Variants in CNTN5 observed in about 807,000 individuals in gnomAD.
The protein encoded by CNTN5 is contactin-5.
A neutral mutation model predicts 129.1 loss-of-function variants in CNTN5; 77 were observed. That is an observed-to-expected ratio of 0.60 (90% CI 0.50 to 0.72). CNTN5 has a LOEUF of 0.72. CNTN5 is among the 30% of genes least tolerant of loss of function. The probability of loss-of-function intolerance (pLI) is 0.00; values close to 1 mark genes in which losing one functional copy is unlikely to be tolerated. For synonymous variants in CNTN5, 509 were observed against 465.6 expected (o/e 1.09, Z -1.20); for missense variants, 1,478 against 1,328.8 (o/e 1.11, Z -1.75).
chr11:99,943,477 A>G (rs540025358), intron 7 of CNTN5, among the ~76,000 whole-genome samples: 4 of 151,866 alleles, frequency 2.6e-5, no homozygotes, highest in East Asian at 1.9e-4. Context: ...CTCCCGTTCT[A>G]TATGTTGCTT....
chr11:99,849,015 G>C (rs1191696788), intron 6 of CNTN5, among the ~76,000 whole-genome samples: 2 of 152,004 alleles, frequency 1.3e-5, no homozygotes, highest in Non-Finnish European at 2.9e-5. Context: ...GCTTGAAATT[G>C]TGTGATTCTA....
In CNTN5 at chr11:99,844,987, C is replaced by T; in HGVS notation, c.401+12C>T. On this transcript the variant is annotated intron_variant, in intron 5 of 24. Coordinates refer to ENST00000524871, the MANE Select transcript of CNTN5 (RefSeq NM_014361.4). ...GTTCCCAGTTACAGGTAGGAATTCACTGTTAATCATTTTTCTTAAGCCTTA... is the reference window on the plus strand; with the variant it reads ...GTTCCCAGTTACAGGTAGGAATTCATTGTTAATCATTTTTCTTAAGCCTTA... The T allele has an allele frequency of 6.2e-7, 1 of 1,612,562 alleles. No individual in the cohort carries two copies. Among genetic ancestry groups the T allele is most frequent in the Non-Finnish European group, 8.5e-7 (1 of 1,179,196 alleles).
chr11:99,924,330 T>C (rs534655811), intron 7 of CNTN5, among the ~76,000 whole-genome samples: 82 of 152,148 alleles, frequency 5.4e-4, no homozygotes, highest in Non-Finnish European at 1.0e-3. Flanking sequence ...GGCCAATGTC[T>C]AGAGAGTGTT....
intron 3 of CNTN5, among the ~76,000 whole-genome samples, chr11:99,742,247 T>A (rs905318502): frequency 6.6e-6 from 1 of 152,166 alleles, no homozygotes; most frequent in Non-Finnish European, 1.5e-5. Flanking sequence ...TCACTGATTC[T>A]GTGTTCTCTC....
intron 6 of CNTN5, among the ~76,000 whole-genome samples, chr11:99,905,813 C>T (rs753567055): frequency 6.6e-5 from 10 of 152,112 alleles, no homozygotes; most frequent in Non-Finnish European, 5.9e-5. Flanking sequence ...TCTGTTATTT[C>T]CTTGAGCAGT....
chr11:99,255,119 G>T (rs139241216), intron 1 of CNTN5, among the ~76,000 whole-genome samples: 17 of 151,992 alleles, frequency 1.1e-4, no homozygotes, highest in African/African-American at 3.9e-4. Flanking sequence ...TTAGCAACAT[G>T]TATAGGGTGA....
intron 2 of CNTN5, among the ~76,000 whole-genome samples, chr11:99,445,386 A>G (rs2135166499): frequency 6.6e-6 from 1 of 152,282 alleles, no homozygotes; most frequent in East Asian, 1.9e-4. Flanking sequence ...GTGCCTGAAT[A>G]CACAATACTT....
rs553540845 is a variant in CNTN5, at chr11:99,744,543, TAAAAAAAAAAAA to T, written c.56-74982_56-74971del. Among the ~76,000 whole-genome samples, 172 of 37,496 alleles carry T rather than the reference TAAAAAAAAAAAA, an allele frequency of 4.6e-3. 3 individuals are homozygous for T. The highest frequency in any genetic ancestry group is 0.045 in the Middle Eastern group (2 of 44). 24.6% of individuals were successfully genotyped at this position (37,496 alleles called of 152,430 possible). On this transcript the variant is annotated intron_variant, in intron 3 of 24. Transcript: ENST00000524871. ...GCAAAACCCCGTCTCTACAAAAAGT[TAAAAAAAAAAAA>T]AAAAAAAAAAAAAAAAAAGCTGGGT...
At chr11:99,232,822 A>T (rs756286414) in intron 1 of CNTN5, among the ~76,000 whole-genome samples, 2 of 152,192 alleles carry the variant, frequency 1.3e-5, no homozygotes, top group Non-Finnish European at 2.9e-5. Context: ...CTTGTCTCTT[A>T]TATTTCTGTT....
chr11:100,148,059 A>G (rs764650832), intron 13 of CNTN5, among the ~76,000 whole-genome samples: 1 of 152,148 alleles, frequency 6.6e-6, no homozygotes, highest in Non-Finnish European at 1.5e-5. Flanking sequence ...GGTTTAGCCA[A>G]TATTAGTAAC....
chr11:99,057,785 AGTGT>A lies in CNTN5; in HGVS notation c.-210+36544_-210+36547del, dbSNP rs67721084. Among the ~76,000 whole-genome samples, 111 of 145,012 alleles carry A rather than the reference AGTGT, an allele frequency of 7.7e-4. 1 individual carries two copies. Among genetic ancestry groups the A allele is most frequent in the South Asian group, 3.8e-3 (17 of 4,494 alleles). On this transcript the variant is annotated intron_variant, in intron 1 of 24. Coordinates refer to ENST00000524871, the MANE Select transcript of CNTN5 (RefSeq NM_014361.4). The stretch of plus-strand genomic sequence containing the variant: ...ATAAGTAAGTGAAACATGAAACATA[AGTGT>A]GTGTGTGTGTGTGTGTGTGTGTGTG...
At position 99,099,014 on chromosome 11, in the gene CNTN5, G is replaced by T. The variant is rs58780268; in HGVS notation, c.-210+77744G>T. Among the ~76,000 whole-genome samples, 358 of 152,202 alleles carry T rather than the reference G, an allele frequency of 2.4e-3. 4 individuals carry two copies. Among genetic ancestry groups the T allele is most frequent in the African/African-American group, 8.5e-3 (353 of 41,548 alleles). On this transcript the variant is annotated intron_variant, in intron 1 of 24. Transcript: ENST00000524871. ...ATAAAGCAGTACTGGTCTAAGTTGT[G>T]CACTGTTACAAATCACTTCCTTAGA...
chr11:99,915,745 C>T (rs1332728177), intron 6 of CNTN5, among the ~76,000 whole-genome samples: 1 of 152,070 alleles, frequency 6.6e-6, no homozygotes, highest in East Asian at 1.9e-4. Context: ...AATATCACTA[C>T]GTAGGAAATA....
chr11:99,272,602 T>G (rs1301830755), intron 1 of CNTN5, among the ~76,000 whole-genome samples: 2 of 151,876 alleles, frequency 1.3e-5, no homozygotes, highest in East Asian at 3.9e-4. Flanking sequence ...TTTAATTATT[T>G]TCTTTTCTCA....
At chr11:99,707,189 G>A (rs908190826) in intron 3 of CNTN5, among the ~76,000 whole-genome samples, 2 of 150,920 alleles carry the variant, frequency 1.3e-5, no homozygotes, top group Admixed American at 1.3e-4. Flanking sequence ...TTTTCTATTG[G>A]TCAAGTAAAA....
intron 7 of CNTN5, among the ~76,000 whole-genome samples, chr11:99,934,234 G>A (rs1175373263): frequency 6.6e-6 from 1 of 152,182 alleles, no homozygotes; most frequent in East Asian, 1.9e-4. Context: ...CAATGAAAGT[G>A]CAAACAGCTG....
At chr11:100,237,436 T>TC (rs1396047822) in intron 16 of CNTN5, among the ~76,000 whole-genome samples, 3 of 152,178 alleles carry the variant, frequency 2.0e-5, no homozygotes, top group Non-Finnish European at 4.4e-5. Flanking sequence ...GAATGCTTCT[T>TC]CACTGAACAA....
At chr11:100,140,675 A>G (rs1946669360) in intron 13 of CNTN5, among the ~76,000 whole-genome samples, 1 of 152,196 alleles carries the variant, frequency 6.6e-6, no homozygotes, top group Admixed American at 6.5e-5. Flanking sequence ...TAAGAAACTG[A>G]GAAGCCAGAG....
At chr11:99,100,017 C>T (rs955965033) in intron 1 of CNTN5, among the ~76,000 whole-genome samples, 6 of 151,930 alleles carry the variant, frequency 3.9e-5, no homozygotes, top group South Asian at 2.1e-4. Flanking sequence ...TACATTAAAT[C>T]GTAATTTAAA....
Sources: gnomAD v4.1 joint callset for allele counts (sites outside exome capture counted in the v4.1 genomes callset) on GRCh38, gnomAD v4.1.1 for gene constraint, MANE v1.5 for transcripts, NCBI Gene and HGNC (gene_info 2026-07-23, HGNC 2026-07-21) for gene names.